Variants in SLIT3 observed in about 807,000 individuals in gnomAD.
SLIT3 encodes slit guidance ligand 3, also known as slit homolog 3 protein.
A neutral mutation model predicts 184.0 loss-of-function variants in SLIT3; 68 were observed. That is an observed-to-expected ratio of 0.37 (90% CI 0.30 to 0.45). The LOEUF (loss-of-function observed/expected upper bound fraction) is 0.45. SLIT3 is among the 20% of genes least tolerant of loss of function. The probability of loss-of-function intolerance (pLI) is 1.00; values close to 1 mark genes in which losing one functional copy is unlikely to be tolerated. For synonymous variants in SLIT3, 831 were observed against 828.6 expected (o/e 1.00, Z -0.05); for missense variants, 1,707 against 2,026.0 (o/e 0.84, Z 3.02).
At chr5:169,018,866 G>A (rs1350075320) in intron 4 of SLIT3, among the ~76,000 whole-genome samples, 10 of 152,144 alleles carry the variant, frequency 6.6e-5, no homozygotes, top group African/African-American at 2.4e-4. Context: ...ACGGGAACAC[G>A]CTGACGGCTG....
chr5:169,253,112 C>G (rs1038962018), intron 1 of SLIT3, among the ~76,000 whole-genome samples: 2 of 151,904 alleles, frequency 1.3e-5, no homozygotes, highest in Non-Finnish European at 2.9e-5. Flanking sequence ...CAAGAATTAC[C>G]CAGGAAAATA....
At chr5:169,133,246 C>T (rs531597877) in intron 4 of SLIT3, among the ~76,000 whole-genome samples, 10 of 152,332 alleles carry the variant, frequency 6.6e-5, no homozygotes, top group East Asian at 1.9e-4. Context: ...TCTGTGGGCA[C>T]GGCCCAGGCA....
At chr5:168,865,730 C>A (rs183903303) in intron 5 of SLIT3, among the ~76,000 whole-genome samples, 9 of 152,300 alleles carry the variant, frequency 5.9e-5, no homozygotes, top group African/African-American at 2.2e-4. Flanking sequence ...AAAATAAAAT[C>A]ATCCAAATTC....
At chr5:168,990,143 G>A (rs1039609556) in intron 4 of SLIT3, among the ~76,000 whole-genome samples, 10 of 152,178 alleles carry the variant, frequency 6.6e-5, no homozygotes, top group African/African-American at 2.4e-4. Context: ...ACTGAGGCAA[G>A]ATTTCTACAT....
chr5:169,129,709 T>C (rs1761220573), intron 4 of SLIT3, among the ~76,000 whole-genome samples: 1 of 152,172 alleles, frequency 6.6e-6, no homozygotes, highest in African/African-American at 2.4e-5. Context: ...AACATGGCAC[T>C]GCGGAGTAAA....
rs555168041 is a variant in SLIT3, at chr5:169,057,659, C to G, written c.413+135820G>C. Among the ~76,000 whole-genome samples, 112 of 152,248 alleles carry G rather than the reference C, an allele frequency of 7.4e-4. 2 individuals carry two copies. In the Middle Eastern group the frequency reaches 0.014, roughly 18 times the overall value. ...ACGGCACTGGCCGAATGTGGAAGGG[C>G]AGAAGGTGGAGTAGGGTTATCATGA... On this transcript the variant is annotated intron_variant, in intron 4 of 35. Coordinates refer to ENST00000519560, the MANE Select transcript of SLIT3 (RefSeq NM_003062.4).
intron 4 of SLIT3, among the ~76,000 whole-genome samples, chr5:169,193,234 T>C (rs997646603): frequency 6.6e-5 from 10 of 152,194 alleles, no homozygotes; most frequent in African/African-American, 2.4e-4. Context: ...AAGGCAACGA[T>C]GGACTACCAC....
At chr5:169,267,379 G>A (rs1426040890) in intron 1 of SLIT3, among the ~76,000 whole-genome samples, 1 of 152,116 alleles carries the variant, frequency 6.6e-6, no homozygotes. Context: ...TGGGCTCCAG[G>A]GCCATATCTG....
chr5:168,941,538 T>C (rs1762333239), intron 4 of SLIT3, among the ~76,000 whole-genome samples: 1 of 152,210 alleles, frequency 6.6e-6, no homozygotes, highest in Non-Finnish European at 1.5e-5. Flanking sequence ...ACCTAAGTAT[T>C]GAAGAACAGT....
chr5:168,819,031 G>C (rs1344863399), intron 7 of SLIT3, among the ~76,000 whole-genome samples: 1 of 152,204 alleles, frequency 6.6e-6, no homozygotes, highest in Non-Finnish European at 1.5e-5. Context: ...GCATTTCCCA[G>C]TGGGTTGCAC....
chr5:168,941,508 T>A (rs1277155168), intron 4 of SLIT3, among the ~76,000 whole-genome samples: 1 of 152,200 alleles, frequency 6.6e-6, no homozygotes, highest in African/African-American at 2.4e-5. Flanking sequence ...GACCTATAGC[T>A]GATATTATTT....
At chr5:168,847,972 CA>C (rs1436835663) in intron 5 of SLIT3, among the ~76,000 whole-genome samples, 1 of 152,176 alleles carries the variant, frequency 6.6e-6, no homozygotes, top group Non-Finnish European at 1.5e-5. Context: ...GAGGCATCTG[CA>C]AAAAGGGCTT....
intron 5 of SLIT3, among the ~76,000 whole-genome samples, chr5:168,868,769 AAAAG>A (rs1395006735): frequency 1.3e-4 from 19 of 151,020 alleles, no homozygotes; most frequent in African/African-American, 4.7e-4. Flanking sequence ...AAAAAAAAGA[AAAAG>A]AAAAAGAAAA....
At chr5:169,231,116 T>C (rs923715116) in intron 3 of SLIT3, among the ~76,000 whole-genome samples, 4 of 152,214 alleles carry the variant, frequency 2.6e-5, no homozygotes, top group South Asian at 2.1e-4. Flanking sequence ...GAGTTTGCAA[T>C]GTCCCATATC....
intron 4 of SLIT3, among the ~76,000 whole-genome samples, chr5:169,052,353 C>T (rs1023461813): frequency 9.9e-5 from 15 of 152,258 alleles, no homozygotes; most frequent in African/African-American, 2.6e-4. Context: ...CATGAGGCCA[C>T]AACAGATTTA....
At chr5:169,174,380 G>A (rs1762906986) in intron 4 of SLIT3, among the ~76,000 whole-genome samples, 1 of 152,156 alleles carries the variant, frequency 6.6e-6, no homozygotes, top group African/African-American at 2.4e-5. Flanking sequence ...CCAGCAGCTG[G>A]GGTGACATTA....
intron 9 of SLIT3, among the ~76,000 whole-genome samples, chr5:168,796,731 G>A (rs1756577155): frequency 6.6e-6 from 1 of 152,190 alleles, no homozygotes; most frequent in African/African-American, 2.4e-5. Context: ...GGGGGAGACA[G>A]TCGTATTAAT....
At chr5:168,858,372 C>A (rs1424423869) in intron 5 of SLIT3, among the ~76,000 whole-genome samples, 1 of 152,250 alleles carries the variant, frequency 6.6e-6, no homozygotes, top group African/African-American at 2.4e-5. Flanking sequence ...GATCTTTGGA[C>A]TTGTACTGCC....
Position 169,270,642 on chromosome 5 carries a change from C to T in SLIT3, c.198-19183G>A, listed in dbSNP as rs139534606. ...ATGTATGACATGGCTGTCTGCTGAC[C>T]CTGATCTAGGCGCTTATATAGTCTA... On this transcript the variant is annotated intron_variant, in intron 1 of 35. Coordinates refer to ENST00000519560, the MANE Select transcript of SLIT3 (RefSeq NM_003062.4). Among the ~76,000 whole-genome samples, 23 of 152,088 alleles carry T rather than the reference C, an allele frequency of 1.5e-4. No individual in the cohort carries two copies. The East Asian group carries it at 4.4e-3, about 29-fold the overall frequency.
Sources: gnomAD v4.1 joint callset for allele counts (sites outside exome capture counted in the v4.1 genomes callset) on GRCh38, gnomAD v4.1.1 for gene constraint, MANE v1.5 for transcripts, NCBI Gene and HGNC (gene_info 2026-07-23, HGNC 2026-07-21) for gene names.